Variants in SEMA4G observed in about 807,000 individuals in gnomAD.
SEMA4G encodes semaphorin 4G, also known as semaphorin-4G.
Under a neutral mutation model 81.2 loss-of-function variants are expected in SEMA4G, and 59 were observed. That is an observed-to-expected ratio of 0.73 (90% CI 0.59 to 0.90). The LOEUF (loss-of-function observed/expected upper bound fraction) is 0.90, where lower values mean the gene tolerates loss of function less well. SEMA4G is among the 40% of genes least tolerant of loss of function. The probability of loss-of-function intolerance (pLI) is 0.00; values close to 1 mark genes in which losing one functional copy is unlikely to be tolerated. For missense variants in SEMA4G, 952 were observed against 1,102.3 expected (o/e 0.86, Z 1.93); for synonymous variants, 404 against 433.9 (o/e 0.93, Z 0.86).
chr10:100,978,618 G>T, exon 6 of SEMA4G: 2 of 1,614,072 alleles, frequency 1.2e-6, no homozygotes, highest in South Asian at 1.1e-5. Flanking sequence ...GAACTGAGGA[G>T]ACACCAATGC....
chr10:100,969,924 G>A (rs1463848767), upstream of SEMA4G: 1 of 455,166 alleles, frequency 2.2e-6, no homozygotes, highest in East Asian at 7.0e-5. Context: ...TAGAGACTGA[G>A]GTTAGACCTG....
In SEMA4G at chr10:100,973,069, C is replaced by T. The variant is rs374661797; in HGVS notation, c.124+33C>T. The T allele has an allele frequency of 6.2e-7, 1 of 1,614,158 alleles. No individual in the cohort carries two copies. The highest frequency in any genetic ancestry group is 1.3e-5 in the African/African-American group (1 of 75,036). On this transcript the variant is annotated intron_variant, in intron 1 of 13. Coordinates refer to ENST00000370250, the Ensembl canonical transcript of SEMA4G. The surrounding 1 kb of genome is among the most constrained non-coding windows in gnomAD (Gnocchi z 5.5). ...CCTCAACCTCAAAAGGCAGCAGAAG[C>T]CAGGGCTGGGGGTGGGGAGGCACCC...
rs748317224 is a variant in SEMA4G, at chr10:100,984,687, A to C, written c.*556A>C. 5.2e-6 allele frequency: 8 copies of C among 1,535,886 alleles called. No homozygotes were observed. The African/African-American group carries it at 9.6e-5, about 18-fold the overall frequency. ...CCTTCTCCTGGTGCATTCTTGTTTC[A>C]TCCCTGCTTCTGGACTTGGGGTACC... On this transcript the variant is annotated 3_prime_UTR_variant, in exon 14 of 14. Coordinates refer to ENST00000370250, the Ensembl canonical transcript of SEMA4G.
At chr10:100,970,545 CCACA>C (rs35324166), upstream of SEMA4G, among the ~76,000 whole-genome samples, 2 of 149,534 alleles carry the variant, frequency 1.3e-5, no homozygotes, top group African/African-American at 2.4e-5. Context: ...TCCCCCATCA[CCACA>C]CACACACACA....
chr10:100,979,058 G>A, intron 7 of SEMA4G, 40 bp downstream of exon 8: 1 of 1,613,040 alleles, frequency 6.2e-7, no homozygotes, highest in Non-Finnish European at 8.5e-7. Flanking sequence ...ATAGAGGCTG[G>A]ACCTCTGACC....
intron 8 of SEMA4G, 49 bp downstream of exon 9, chr10:100,979,320 G>A: frequency 1.2e-6 from 2 of 1,614,124 alleles, no homozygotes; most frequent in Non-Finnish European, 1.7e-6. Context: ...CAGCATAGGG[G>A]CTGGAGCAGA....
At chr10:100,981,505 G>A (rs1289578935) in intron 13 of SEMA4G, 2 of 1,614,030 alleles carry the variant, frequency 1.2e-6, no homozygotes, top group Admixed American at 3.3e-5. Context: ...GACGGTAATG[G>A]GTATTTCCCC....
In SEMA4G at chr10:100,972,625, T is replaced by C. The variant is rs182450988; in HGVS notation, c.-288T>C. 12 of 369,538 alleles carry C rather than the reference T, an allele frequency of 3.2e-5. No homozygotes were observed. In the East Asian group the frequency reaches 6.1e-4, roughly 19 times the overall value. 22.9% of individuals were successfully genotyped at this position (369,538 alleles called of 1,614,324 possible). ...CCCTCTAGAACTTCACAACTCCCTC[T>C]CACCATGGAGTTTGCATTTGATGCA... On this transcript the variant is annotated 5_prime_UTR_variant, in exon 1 of 14. Coordinates refer to ENST00000370250, the Ensembl canonical transcript of SEMA4G.
exon 1 of SEMA4G, chr10:100,972,915 GTGGGGGAGGCTCTGGCCCCTCCTC>G (rs1564791884): frequency 6.2e-7 from 1 of 1,605,966 alleles, no homozygotes; most frequent in South Asian, 1.1e-5. Flanking sequence ...CCAGGAAGAT[GTGGGGGAGGCTCTGGCCCCTCCTC>G]CTCAGCATCC....
exon 8 of SEMA4G, chr10:100,979,108 C>T: frequency 6.2e-7 from 1 of 1,614,056 alleles, no homozygotes; most frequent in Middle Eastern, 1.6e-4. Context: ...CCAGGGAGAC[C>T]TGGGAGGGAA....
rs749532175 is a variant in SEMA4G, at chr10:100,973,015, C to T, written c.103C>T (p.Arg35Trp). 6.2e-6 allele frequency: 10 copies of T among 1,614,026 alleles called. No homozygotes were observed. The highest frequency in any genetic ancestry group is 1.7e-5 in the Admixed American group (1 of 59,986). Residue 35 changes from arginine (R) to tryptophan (W), a missense_variant, in exon 1 of 14, where the codon CGG (arginine) becomes TGG (tryptophan). Around this residue, in one of 3 missense-constraint regions of SEMA4G, gnomAD observed 436 missense variants for 488.2 expected, o/e 0.89. Transcript: ENST00000370250. This position sits in a 1 kb window ranked among gnomAD's most constrained non-coding sequence, Gnocchi z 5.5. ...GTCTAGAGAACTAGATGCCACCCCTCGGATGACCATACCCTATGAAGGTTA... is the reference window on the plus strand; with the variant it reads ...GTCTAGAGAACTAGATGCCACCCCTTGGATGACCATACCCTATGAAGGTTA...
Position 100,973,440 on chromosome 10 carries a change from T to C in SEMA4G, c.274-107T>C, listed in dbSNP as rs1850691369. 4 of 1,424,546 alleles carry C rather than the reference T, an allele frequency of 2.8e-6. No individual in the cohort carries two copies. Among genetic ancestry groups the C allele is most frequent in the Non-Finnish European group, 3.9e-6 (4 of 1,026,828 alleles). 88.2% of individuals were successfully genotyped at this position (1,424,546 alleles called of 1,614,324 possible). On this transcript the variant is annotated intron_variant, in intron 2 of 13. Coordinates refer to ENST00000370250, the Ensembl canonical transcript of SEMA4G. This position sits in a 1 kb window ranked among gnomAD's most constrained non-coding sequence, Gnocchi z 5.5. ...CTTGCATTCAGTGTTCCTCCTGAAA[T>C]TGATCCCCACCCCAATTTCCCCAAC... is the stretch of plus-strand genomic sequence containing the variant.
At chr10:100,982,343 G>A (rs918264918) in intron 13 of SEMA4G, among the ~76,000 whole-genome samples, 2 of 152,208 alleles carry the variant, frequency 1.3e-5, no homozygotes, top group Non-Finnish European at 2.9e-5. Context: ...AAGAGTTTTA[G>A]GCTGGAGAGT....
exon 14 of SEMA4G, chr10:100,984,659 T>G: frequency 6.5e-7 from 1 of 1,536,200 alleles, no homozygotes; most frequent in East Asian, 2.4e-5. Context: ...GCCCCCACCC[T>G]CACCTTCTCC....
intron 8 of SEMA4G, 34 bp downstream of exon 9, chr10:100,979,305 G>A (rs1850940449): frequency 1.9e-6 from 3 of 1,614,170 alleles, no homozygotes; most frequent in Non-Finnish European, 1.7e-6. Context: ...GCAAGAAACT[G>A]CGGACAGCAT....
In SEMA4G at chr10:100,978,389, G is replaced by A. The variant is rs1412300037; in HGVS notation, c.529+1G>A. 1.9e-6 allele frequency: 3 copies of A among 1,612,400 alleles called. No individual in the cohort carries two copies. In the South Asian group the frequency reaches 3.3e-5, roughly 18 times the overall value. Reference sequence around the variant, plus strand: ...CGTGGCTTCACAGGCCTCATCATTGGTGAGCAGGCCTTCTTCCCTATCACA... The same window carrying A: ...CGTGGCTTCACAGGCCTCATCATTGATGAGCAGGCCTTCTTCCCTATCACA... On this transcript the variant is annotated splice_donor_variant, in intron 5 of 13. Transcript: ENST00000370250. LOFTEE classifies it high-confidence loss of function.
chr10:100,973,564 C>T lies in SEMA4G; in HGVS notation c.291C>T (p.Ser97=), dbSNP rs149776999. 3.7e-6 allele frequency: 6 copies of T among 1,613,996 alleles called. No homozygotes were observed. Among genetic ancestry groups the T allele is most frequent in the Middle Eastern group, 1.6e-4 (1 of 6,084 alleles). The change falls in exon 3 of 14, where the codon TCC becomes TCT. Residue 97 remains serine, a synonymous_variant. Transcript: ENST00000370250. The surrounding 1 kb of genome is among the most constrained non-coding windows in gnomAD (Gnocchi z 5.5). ...TCCACTAGATCCACTGGGAAGCCTCCCCAGAGATGCAAAGCAAATGTCATC... is the reference window on the plus strand; with the variant it reads ...TCCACTAGATCCACTGGGAAGCCTCTCCAGAGATGCAAAGCAAATGTCATC...
chr10:100,976,433 G>A (rs1025741571), intron 3 of SEMA4G, among the ~76,000 whole-genome samples: 5 of 152,152 alleles, frequency 3.3e-5, no homozygotes, highest in Admixed American at 2.0e-4. Context: ...CTGCAGCCTC[G>A]ACCTCCTGGG....
intron 13 of SEMA4G, 110 bp downstream of exon 14, chr10:100,981,339 T>G (rs1255679509): frequency 1.9e-6 from 3 of 1,601,732 alleles, no homozygotes; most frequent in Non-Finnish European, 2.6e-6. Flanking sequence ...TATGTACATT[T>G]GGTAAGGATG....
Sources: allele counts gnomAD v4.1 joint callset (sites outside exome capture counted in the v4.1 genomes callset), GRCh38; gene constraint gnomAD v4.1.1; regional missense constraint gnomAD v4.1.1; non-coding constraint Gnocchi (gnomAD v3.1); transcripts MANE v1.5; gene names NCBI Gene and HGNC (gene_info 2026-07-23, HGNC 2026-07-21).